The following FOXP3 variants were observed in gnomAD, a reference collection of about 807,000 sequenced individuals.
FOXP3 encodes forkhead box P3.
In FOXP3, 5 loss-of-function variants were observed where a neutral mutation model predicts 31.2. That is an observed-to-expected ratio of 0.16 (90% CI 0.08 to 0.34). The LOEUF is 0.34. Among genes scored for constraint, FOXP3 ranks in the 10% least tolerant of loss-of-function variants. The pLI is 1.00. For synonymous variants in FOXP3, 141 were observed against 148.8 expected (o/e 0.95, Z 0.38); for missense variants, 251 against 363.0 (o/e 0.69, Z 2.51).
chrX:49,259,155 T>C (rs1396789034), intron 1 of FOXP3: 2 of 523,053 alleles, frequency 3.8e-6, no homozygotes, highest in African/African-American at 2.3e-5. Flanking sequence ...TTGGATGTAG[T>C]GGGCAAGAGG....
intron 1 of FOXP3, among the ~76,000 whole-genome samples, chrX:49,263,135 T>C (rs952995238): frequency 1.3e-5 from 1 of 76,742 alleles, no homozygotes; most frequent in African/African-American, 4.9e-5. Flanking sequence ...AAAAATAAGA[T>C]GAACACCCTA....
intron 1 of FOXP3, among the ~76,000 whole-genome samples, chrX:49,258,729 C>T (rs1190715422): frequency 1.8e-5 from 2 of 111,215 alleles, no homozygotes; most frequent in African/African-American, 3.3e-5. Context: ...GGTACATGTA[C>T]ATACCCACAC....
chrX:49,251,516 C>T (rs1403582911), intron 11 of FOXP3, 33 bp from the exon 12 acceptor site: 9 of 1,209,481 alleles, frequency 7.4e-6, no homozygotes, highest in South Asian at 7.0e-5. Context: ...AGCAGGTGGG[C>T]GTCAACCTCT....
rs1360753733 is a variant in FOXP3 at position 49,256,110 on chromosome X, G to A, written c.648-308C>T. On this transcript the variant is annotated intron_variant, in intron 6 of 11. Coordinates refer to ENST00000376207, the MANE Select transcript of FOXP3 (RefSeq NM_014009.4). ...GGCAAAGCATTCTGGGTGGAGGGAC[G>A]GCCTGTGCAAAGGCCTGGCTGCAAG... 2.7e-5 allele frequency among the ~76,000 whole-genome samples: 3 copies of A among 110,468 alleles called. 1 individual carries two copies. The highest frequency in any genetic ancestry group is 5.7e-5 in the Non-Finnish European group (3 of 52,902).
intron 8 of FOXP3, among the ~76,000 whole-genome samples, 168 bp from the exon 9 acceptor site, chrX:49,254,235 A>G (rs1478050185): frequency 9.0e-6 from 1 of 111,640 alleles, no homozygotes; most frequent in East Asian, 2.8e-4. Context: ...AGATTCAAGC[A>G]AGTCTTCTGC....
intron 2 of FOXP3, 134 bp from the exon 3 acceptor site, chrX:49,257,902 C>G: frequency 1.3e-5 from 7 of 527,802 alleles, no homozygotes; most frequent in Non-Finnish European, 2.2e-5. Flanking sequence ...GAAACTGAGG[C>G]TCATGGAGAT....
chrX:49,256,220 AAGAG>A (rs782303757), intron 6 of FOXP3, among the ~76,000 whole-genome samples: 6,022 of 66,124 alleles, frequency 0.091, 334 homozygotes, highest in East Asian at 0.14. Flanking sequence ...GAGAGAGAGA[AAGAG>A]AGAGAGAGAG....
In FOXP3 at chrX:49,253,198, G is replaced by A; in HGVS notation, c.972C>T (p.Phe324=). The change falls in exon 10 of 12, where the codon TTC becomes TTT. Residue 324 remains phenylalanine (F), a synonymous_variant. Coordinates refer to ENST00000376207, the MANE Select transcript of FOXP3 (RefSeq NM_014009.4). ...GSHGNSTFPE[F]LHNMDYFKFH... ...ACTTGAAGTAGTCCATGTTGTGGAG[G>A]AACTCTGTCAGAGGGTGGGGATGAA... 1 of 1,207,794 alleles carries A rather than the reference G, an allele frequency of 8.3e-7. No homozygotes were observed. The highest frequency in any genetic ancestry group is 1.1e-6 in the Non-Finnish European group (1 of 892,946).
At chrX:49,264,046 C>A (rs1271460399) in intron 1 of FOXP3, among the ~76,000 whole-genome samples, 1 of 111,470 alleles carries the variant, frequency 9.0e-6, no homozygotes, top group African/African-American at 3.3e-5. Flanking sequence ...AGGCTGGATG[C>A]TGGCTGGGAA....
chrX:49,260,753 G>T (rs1351619007), intron 1 of FOXP3, among the ~76,000 whole-genome samples: 1 of 113,114 alleles, frequency 8.8e-6, no homozygotes, highest in Non-Finnish European at 1.9e-5. Flanking sequence ...TCTGGGCCCT[G>T]TTGTCACAGC....
rs1239835020 is a variant in FOXP3 at position 49,257,887 on chromosome X, G to A, written c.211-119C>T. ...TGCTATGATCATCCCCCTTTTACAC[G>A]TATGGAAACTGAGGCTCATGGAGAT... is the stretch of plus-strand genomic sequence containing the variant. On this transcript the variant is annotated intron_variant, in intron 2 of 11. Transcript: ENST00000376207. The A allele has an allele frequency of 4.3e-5, 24 of 558,212 alleles. No homozygotes were observed. In the East Asian group the frequency reaches 4.7e-4, roughly 11 times the overall value. The allele number at this position is 558,212 out of a possible 1,213,427, so 46.0% of individuals were successfully genotyped here.
chrX:49,250,899 T>A lies in FOXP3; in HGVS notation c.*435A>T, dbSNP rs1225467184. 1.3e-5 allele frequency: 3 copies of A among 225,967 alleles called. No individual in the cohort carries two copies. The highest frequency in any genetic ancestry group is 8.8e-5 in the African/African-American group (3 of 34,193). 18.6% of individuals were successfully genotyped at this position (225,967 alleles called of 1,213,427 possible). A position where few individuals can be genotyped will look rare whatever the true frequency, so the allele number is the denominator to read the frequency against. On this transcript the variant is annotated 3_prime_UTR_variant, in exon 12 of 12. Coordinates refer to ENST00000376207, the MANE Select transcript of FOXP3 (RefSeq NM_014009.4). ...ATTGTGTGATGATGCAGCTTTGAGGTTGTTTGAGTGTACTGAGGCAGGCTC... is the reference window on the plus strand; with the variant it reads ...ATTGTGTGATGATGCAGCTTTGAGGATGTTTGAGTGTACTGAGGCAGGCTC...
chrX:49,253,650 T>A (rs1557115866), intron 9 of FOXP3, among the ~76,000 whole-genome samples: 1 of 111,505 alleles, frequency 9.0e-6, no homozygotes, highest in African/African-American at 3.3e-5. Context: ...GTAGCTGGAG[T>A]CCAGAGTGGG....
chrX:49,257,823 C>T (rs1602687084), intron 2 of FOXP3, 55 bp from the exon 3 acceptor site: 1 of 968,668 alleles, frequency 1.0e-6, no homozygotes, highest in Non-Finnish European at 1.4e-6. Flanking sequence ...TGTTCTGTGT[C>T]TAATTCAAAT....
Position 49,257,469 on chromosome X carries a change from T to C in FOXP3, c.412A>G (p.Thr138Ala). ...MISLTPPTTATGVFSLKARPG... is the reference protein window; with the variant it reads ...MISLTPPTTAAGVFSLKARPG... ...CGGGCCTTGAGGGAGAAGACCCCAG[T>C]GGCGGTGGTGGGTGGTGTGAGGCTG... Residue 138 changes from threonine (T) to alanine (A), a missense_variant, in exon 4 of 12, where the codon ACT becomes GCT. This residue lies in a region of FOXP3 where 152 missense variants were observed against 188.1 expected (regional missense o/e 0.81). Coordinates refer to ENST00000376207, the MANE Select transcript of FOXP3 (RefSeq NM_014009.4). 2 of 1,148,194 alleles carry C rather than the reference T, an allele frequency of 1.7e-6. No individual in the cohort carries two copies. Among genetic ancestry groups the C allele is most frequent in the Non-Finnish European group, 2.3e-6 (2 of 862,672 alleles). The allele number at this position is 1,148,194 out of a possible 1,213,427, so 94.6% of individuals were successfully genotyped here. A position where few individuals can be genotyped will look rare whatever the true frequency, so the allele number is the denominator to read the frequency against.
Position 49,255,701 on chromosome X carries a change from C to T in FOXP3, c.735+14G>A, listed in dbSNP as rs782539969. 6.1e-5 allele frequency: 73 copies of T among 1,201,556 alleles called. No homozygotes were observed. The highest frequency in any genetic ancestry group is 7.5e-5 in the Non-Finnish European group (67 of 889,674). On this transcript the variant is annotated intron_variant, in intron 7 of 11. Transcript: ENST00000376207. ...ACTATCCCTATCCCTTACCCTCCAC[C>T]GCCCTGGCATTACCTGCTGCTCCAG... is the stretch of plus-strand genomic sequence containing the variant.
rs1557116439 is a variant in FOXP3 at position 49,256,862 on chromosome X, G to T, written c.543-7C>A. On this transcript the variant is annotated splice_region_variant and splice_polypyrimidine_tract_variant and intron_variant, in intron 5 of 11. Transcript: ENST00000376207. ...GGGCACAGCCGAAAGGGTGCTGGGG[G>T]GACAGAGGGTGTCAGGGGAGGGGAT... 2 of 1,209,967 alleles carry T rather than the reference G, an allele frequency of 1.7e-6. No homozygotes were observed. The highest frequency in any genetic ancestry group is 1.8e-5 in the South Asian group (1 of 57,012).
In FOXP3 at chrX:49,251,181, C is replaced by T. The variant is rs1458646597; in HGVS notation, c.*153G>A. On this transcript the variant is annotated 3_prime_UTR_variant, in exon 12 of 12. Transcript: ENST00000376207. ...TGATGGGGGAGGGGGTGGCTGCCAG[C>T]GGGGGAACAGGGGCCCTGGCAGGCA... The T allele has an allele frequency of 1.4e-5, 10 of 691,545 alleles. No homozygotes were observed. Among genetic ancestry groups the T allele is most frequent in the African/African-American group, 7.2e-5 (3 of 41,764 alleles). 57.0% of individuals were successfully genotyped at this position (691,545 alleles called of 1,213,427 possible).
At chrX:49,252,307 C>T (rs1445061079) in intron 10 of FOXP3, among the ~76,000 whole-genome samples, 1 of 110,063 alleles carries the variant, frequency 9.1e-6, no homozygotes, top group Non-Finnish European at 1.9e-5. Context: ...GAGTATCTTA[C>T]GTGTCAGGGA....
Sources: gnomAD v4.1 joint callset for allele counts (sites outside exome capture counted in the v4.1 genomes callset) on GRCh38, gnomAD v4.1.1 for gene constraint, gnomAD v4.1.1 regional missense constraint, MANE v1.5 for transcripts, NCBI Gene and HGNC (gene_info 2026-07-23, HGNC 2026-07-21) for gene names.